Variants in IL1RAPL1 observed in about 807,000 individuals in gnomAD.
IL1RAPL1 encodes the protein interleukin 1 receptor accessory protein like 1, also known as interleukin-1 receptor accessory protein-like 1.
In IL1RAPL1, 3 loss-of-function variants were observed where a neutral mutation model predicts 48.4. The observed-to-expected ratio is 0.06, with a 90% CI of 0.03 to 0.16. The LOEUF (loss-of-function observed/expected upper bound fraction) is 0.16, where lower values mean the gene tolerates loss of function less well. IL1RAPL1 is among the 10% of genes least tolerant of loss of function. The probability of loss-of-function intolerance (pLI) is 1.00; values close to 1 mark genes in which losing one functional copy is unlikely to be tolerated. For synonymous variants in IL1RAPL1, 185 were observed against 187.7 expected (o/e 0.99, Z 0.12); for missense variants, 349 against 530.6 (o/e 0.66, Z 3.36).
intron 2 of IL1RAPL1, among the ~76,000 whole-genome samples, chrX:28,794,292 G>C (rs7876452): frequency 1.8e-5 from 2 of 110,921 alleles, no homozygotes; most frequent in Non-Finnish European, 3.8e-5. Context: ...ATGATTCTTC[G>C]AGTATTTTTC....
chrX:29,885,415 C>T (rs184886721), intron 6 of IL1RAPL1, among the ~76,000 whole-genome samples: 90 of 111,872 alleles, frequency 8.0e-4, no homozygotes, highest in Admixed American at 2.1e-3. Context: ...ATGCAAGTCC[C>T]ATGGGGGCGG....
chrX:29,254,755 A>G (rs1442408351), intron 2 of IL1RAPL1, among the ~76,000 whole-genome samples: 1 of 111,604 alleles, frequency 9.0e-6, no homozygotes, highest in Non-Finnish European at 1.9e-5. Context: ...GACAGGAGTC[A>G]AGAAATGATG....
In IL1RAPL1 at chrX:29,517,466, A is replaced by G. The variant is rs747135284; in HGVS notation, c.703+118158A>G. 2.7e-5 allele frequency among the ~76,000 whole-genome samples: 3 copies of G among 111,228 alleles called. No homozygotes were observed. In the South Asian group the frequency reaches 1.1e-3, roughly 41 times the overall value. On this transcript the variant is annotated intron_variant, in intron 5 of 10. Coordinates refer to ENST00000378993, the MANE Select transcript of IL1RAPL1 (RefSeq NM_014271.4). Reference sequence around the variant, plus strand: ...GTAGTTAGCTCCTGAAAACACTTCTACTTCACTGAAGCGGTGATGATTTTT... The same window carrying G: ...GTAGTTAGCTCCTGAAAACACTTCTGCTTCACTGAAGCGGTGATGATTTTT...
intron 2 of IL1RAPL1, among the ~76,000 whole-genome samples, chrX:29,049,685 C>A (rs1213336504): frequency 8.9e-6 from 1 of 112,320 alleles, no homozygotes; most frequent in African/African-American, 3.2e-5. Flanking sequence ...ATCTAGCACT[C>A]ATTATGTGCC....
intron 6 of IL1RAPL1, among the ~76,000 whole-genome samples, chrX:29,915,948 G>A (rs1430021204): frequency 1.2e-5 from 1 of 81,584 alleles, no homozygotes; most frequent in Admixed American, 1.6e-4. Flanking sequence ...CCCTTCCTGT[G>A]TCCATGTGAT....
At chrX:29,896,853 C>T (rs1029438305) in intron 6 of IL1RAPL1, among the ~76,000 whole-genome samples, 1 of 112,680 alleles carries the variant, frequency 8.9e-6, no homozygotes, top group South Asian at 3.7e-4. Flanking sequence ...TGTGTGCACA[C>T]ACATATGCAT....
intron 2 of IL1RAPL1, among the ~76,000 whole-genome samples, chrX:29,073,534 A>C (rs1002482562): frequency 9.9e-5 from 11 of 111,356 alleles, no homozygotes; most frequent in Non-Finnish European, 2.1e-4. Context: ...TTTTCTTCTT[A>C]TTATAATTTC....
chrX:29,023,983 C>CT (rs1318308187), intron 2 of IL1RAPL1, among the ~76,000 whole-genome samples: 1 of 111,654 alleles, frequency 9.0e-6, no homozygotes, highest in Non-Finnish European at 1.9e-5. Context: ...GATATAAAGG[C>CT]TGAATAACCA....
chrX:29,335,412 A>G (rs1932980154), intron 3 of IL1RAPL1, among the ~76,000 whole-genome samples: 1 of 105,562 alleles, frequency 9.5e-6, no homozygotes, highest in South Asian at 4.4e-4. Context: ...TAAATTACAA[A>G]AATATTCACA....
chrX:29,544,360 C>G (rs1314232172), intron 5 of IL1RAPL1, among the ~76,000 whole-genome samples: 1 of 112,091 alleles, frequency 8.9e-6, no homozygotes, highest in Non-Finnish European at 1.9e-5. Flanking sequence ...TCAAAAGTTG[C>G]TCAGTGCTAT....
intron 1 of IL1RAPL1, among the ~76,000 whole-genome samples, chrX:28,677,627 A>C (rs1935013232): frequency 9.2e-6 from 1 of 108,569 alleles, no homozygotes; most frequent in Non-Finnish European, 1.9e-5. Flanking sequence ...TCACTGTGTC[A>C]CCCAGGCTGG....
At chrX:28,932,311 A>G (rs1465281002) in intron 2 of IL1RAPL1, among the ~76,000 whole-genome samples, 1 of 111,196 alleles carries the variant, frequency 9.0e-6, no homozygotes, top group African/African-American at 3.3e-5. Context: ...GCTCTTAGCA[A>G]AATCTTTCTA....
chrX:29,833,065 A>G (rs1930917789), intron 6 of IL1RAPL1, among the ~76,000 whole-genome samples: 1 of 111,817 alleles, frequency 8.9e-6, no homozygotes, highest in Non-Finnish European at 1.9e-5. Flanking sequence ...AAAAATGTGT[A>G]TATTTGAAGT....
chrX:28,818,774 A>G (rs771025671), intron 2 of IL1RAPL1, among the ~76,000 whole-genome samples: 1 of 110,603 alleles, frequency 9.0e-6, no homozygotes, highest in African/African-American at 3.3e-5. Flanking sequence ...TCCTGAGCTA[A>G]ATTTCTTCTG....
At position 29,476,872 on chromosome X, in the gene IL1RAPL1, C is replaced by CTTTTTTTTTTTTTTTTTTTTTTTTTTTTT. The variant is rs1198120274; in HGVS notation, c.703+77583_703+77584insTTTTTTTTTTTTTTTTTTTTTTTTTTTTT. The stretch of plus-strand genomic sequence containing the variant: ...GACTCATTTACTTTTTACCCATATT[C>CTTTTTTTTTTTTTTTTTTTTTTTTTTTTT]TTTTTTTTTTTTTTTTTTTGAGACG... On this transcript the variant is annotated intron_variant, in intron 5 of 10. Transcript: ENST00000378993. Among the ~76,000 whole-genome samples, 2 of 53,901 alleles carry CTTTTTTTTTTTTTTTTTTTTTTTTTTTTT rather than the reference C, an allele frequency of 3.7e-5. 1 individual carries two copies. Among genetic ancestry groups the CTTTTTTTTTTTTTTTTTTTTTTTTTTTTT allele is most frequent in the African/African-American group, 2.7e-4 (2 of 7,327 alleles). The allele number at this position is 53,901 out of a possible 115,157, so 46.8% of individuals were successfully genotyped here.
intron 5 of IL1RAPL1, among the ~76,000 whole-genome samples, chrX:29,570,971 C>T (rs751487622): frequency 2.3e-4 from 26 of 112,328 alleles, no homozygotes; most frequent in Non-Finnish European, 4.9e-4. Flanking sequence ...CCTGTAATCC[C>T]AGCACTCTGG....
At chrX:28,964,820 A>G (rs1454769956) in intron 2 of IL1RAPL1, among the ~76,000 whole-genome samples, 4 of 111,246 alleles carry the variant, frequency 3.6e-5, no homozygotes, top group Non-Finnish European at 7.6e-5. Flanking sequence ...AATTTCCATA[A>G]TTCTTTTTTT....
At chrX:29,342,021 C>A (rs1198461813) in intron 3 of IL1RAPL1, among the ~76,000 whole-genome samples, 1 of 109,822 alleles carries the variant, frequency 9.1e-6, no homozygotes, top group Non-Finnish European at 1.9e-5. Context: ...GTTGGCCAGG[C>A]TGGTCTTGAA....
chrX:29,838,437 A>G (rs1931062694), intron 6 of IL1RAPL1, among the ~76,000 whole-genome samples: 1 of 112,169 alleles, frequency 8.9e-6, no homozygotes, highest in Non-Finnish European at 1.9e-5. Context: ...CTGAAAAGAA[A>G]ATATTTATGT....
Sources: gnomAD v4.1 joint callset for allele counts (sites outside exome capture counted in the v4.1 genomes callset) on GRCh38, gnomAD v4.1.1 for gene constraint, MANE v1.5 for transcripts, NCBI Gene and HGNC (gene_info 2026-07-23, HGNC 2026-07-21) for gene names.